BCKDHB: variants seen among roughly 807,000 people sequenced by gnomAD.
The protein encoded by BCKDHB is branched chain keto acid dehydrogenase E1 subunit beta, also known as 2-oxoisovalerate dehydrogenase subunit beta, mitochondrial.
Under a neutral mutation model 48.5 loss-of-function variants are expected in BCKDHB, and 41 were observed. The ratio of observed to expected loss-of-function variants is 0.85; its 90% confidence interval spans 0.66 to 1.10. The LOEUF is 1.10. Among genes scored for constraint, BCKDHB ranks in the 50% least tolerant of loss-of-function variants. BCKDHB has a pLI of 0.00. For missense variants in BCKDHB, 496 were observed against 494.2 expected (o/e 1.00, Z -0.03); for synonymous variants, 201 against 174.8 (o/e 1.15, Z -1.18).
At chr6:80,368,639 C>G in the BCKDHB span, among the ~76,000 whole-genome samples, 313 of 152,158 alleles carry the variant, frequency 2.1e-3, no homozygotes, top group African/African-American at 7.2e-3. Context: ...ATGCTCACAA[C>G]TTTGCTTTTC....
At chr6:80,416,965 C>T in the BCKDHB span, among the ~76,000 whole-genome samples, 1 of 151,778 alleles carries the variant, frequency 6.6e-6, no homozygotes, top group African/African-American at 2.4e-5. Flanking sequence ...TAAAATCTCC[C>T]GCTGTCATTG....
At chr6:80,174,390 G>A (rs1446523875) in intron 6 of BCKDHB, among the ~76,000 whole-genome samples, 2 of 151,960 alleles carry the variant, frequency 1.3e-5, no homozygotes, top group East Asian at 3.9e-4. Flanking sequence ...TATACTCAGG[G>A]GATTTGTTCC....
chr6:80,272,620 T>C (rs1279413665), intron 8 of BCKDHB, among the ~76,000 whole-genome samples: 1 of 152,182 alleles, frequency 6.6e-6, no homozygotes, highest in Non-Finnish European at 1.5e-5. Flanking sequence ...TAGAGCACAT[T>C]AACGAAGGAG....
the BCKDHB span, among the ~76,000 whole-genome samples, chr6:80,377,521 T>C: frequency 6.6e-6 from 1 of 152,320 alleles, no homozygotes; most frequent in East Asian, 1.9e-4. Context: ...TTAATTTCTT[T>C]ATATAGTATG....
intron 9 of BCKDHB, among the ~76,000 whole-genome samples, chr6:80,318,976 G>A (rs1274559271): frequency 6.6e-6 from 1 of 152,150 alleles, no homozygotes; most frequent in Non-Finnish European, 1.5e-5. Context: ...TGACATATGT[G>A]TATATTTATA....
At chr6:80,303,892 C>T (rs1562216645) in intron 9 of BCKDHB, among the ~76,000 whole-genome samples, 3 of 151,876 alleles carry the variant, frequency 2.0e-5, no homozygotes, top group African/African-American at 7.3e-5. Context: ...TACTTAATGT[C>T]ATAGCTTTAG....
intron 9 of BCKDHB, among the ~76,000 whole-genome samples, chr6:80,286,156 A>G (rs759758316): frequency 1.8e-4 from 28 of 152,184 alleles, no homozygotes; most frequent in Non-Finnish European, 3.7e-4. Flanking sequence ...TTGCTACTAG[A>G]AGATATTTGG....
intron 8 of BCKDHB, among the ~76,000 whole-genome samples, chr6:80,269,377 C>T (rs928216366): frequency 6.6e-6 from 1 of 152,114 alleles, no homozygotes; most frequent in African/African-American, 2.4e-5. Context: ...AACTGCGAGC[C>T]TTTCAGGACT....
Position 80,238,055 on chromosome 6 carries a change from G to GCTTC in BCKDHB, c.951+34853_951+34856dup, listed in dbSNP as rs1776217533. Among the ~76,000 whole-genome samples the GCTTC allele has an allele frequency of 2.0e-5, 3 of 151,952 alleles. No individual in the cohort carries two copies. In the South Asian group the frequency reaches 6.3e-4, roughly 32 times the overall value. On this transcript the variant is annotated intron_variant, in intron 8 of 9. Coordinates refer to ENST00000320393, the MANE Select transcript of BCKDHB (RefSeq NM_183050.4). The stretch of plus-strand genomic sequence containing the variant: ...AGCAAAATTCCTTCCTCCCTCCTTC[G>GCTTC]CTTCCTTCCTTCCAAAGAGTATTGA...
In BCKDHB at chr6:80,106,842, A is replaced by G; in HGVS notation, c.149A>G (p.Gln50Arg). 6.2e-7 allele frequency: 1 copy of G among 1,610,382 alleles called. No individual in the cohort carries two copies. ...ATVEDAAQRR[Q>R]VAHFTFQPDP... is the part of the protein sequence containing the mutation. ...GTCGAGGATGCGGCCCAGAGGCGGC[A>G]GGTGGCTCATTTTACTTTCCAGCCA... Residue 50 changes from glutamine (Q) to arginine (R), a missense_variant, in exon 1 of 10, where the codon CAG (glutamine) becomes CGG (arginine). Gln to Arg is a conservative substitution (Grantham distance 43). Coordinates refer to ENST00000320393, the MANE Select transcript of BCKDHB (RefSeq NM_183050.4).
At chr6:80,199,945 C>A (rs1774309149) in intron 6 of BCKDHB, among the ~76,000 whole-genome samples, 1 of 149,710 alleles carries the variant, frequency 6.7e-6, no homozygotes, top group African/African-American at 2.5e-5. Context: ...TAGTGGTGTG[C>A]ACCTGTAATC....
At chr6:80,466,364 A>G in the BCKDHB span, among the ~76,000 whole-genome samples, 3 of 152,220 alleles carry the variant, frequency 2.0e-5, no homozygotes, top group Admixed American at 2.0e-4. Flanking sequence ...ATTTTGTGAG[A>G]AAGAGCATGT....
chr6:80,434,253 A>C, the BCKDHB span, among the ~76,000 whole-genome samples: 1 of 150,556 alleles, frequency 6.6e-6, no homozygotes, highest in African/African-American at 2.4e-5. Flanking sequence ...TATATCTTCC[A>C]TTTCTCTCTA....
intron 3 of BCKDHB, among the ~76,000 whole-genome samples, chr6:80,160,556 A>G (rs548014595): frequency 5.3e-5 from 8 of 152,282 alleles, no homozygotes; most frequent in African/African-American, 2.4e-5. Flanking sequence ...GGTGGACTCA[A>G]TTTTACCCAT....
intron 8 of BCKDHB, among the ~76,000 whole-genome samples, chr6:80,258,725 G>C (rs1777163910): frequency 6.6e-6 from 1 of 151,228 alleles, no homozygotes; most frequent in Admixed American, 6.6e-5. Flanking sequence ...TGTATTCCTT[G>C]ATGTATTATT....
At chr6:80,458,835 T>A in the BCKDHB span, among the ~76,000 whole-genome samples, 906 of 152,126 alleles carry the variant, frequency 6.0e-3, 9 homozygotes, top group African/African-American at 0.02. Flanking sequence ...AGAAAAAAAG[T>A]AAAAAAATCA....
the BCKDHB span, among the ~76,000 whole-genome samples, chr6:80,432,341 T>C: frequency 2.0e-5 from 3 of 152,206 alleles, no homozygotes; most frequent in Non-Finnish European, 4.4e-5. Flanking sequence ...TTTGGTCTTT[T>C]CACATAGTCC....
chr6:80,188,494 C>A (rs1773749710), intron 6 of BCKDHB, among the ~76,000 whole-genome samples: 1 of 151,974 alleles, frequency 6.6e-6, no homozygotes, highest in Admixed American at 6.6e-5. Flanking sequence ...CAAAATTTAG[C>A]CAGGTGTGGT....
chr6:80,244,264 G>A (rs566573236), intron 8 of BCKDHB, among the ~76,000 whole-genome samples: 53 of 152,334 alleles, frequency 3.5e-4, no homozygotes, highest in South Asian at 6.2e-4. Flanking sequence ...GTGTACACAC[G>A]TGCGCATGTA....
Sources: allele counts gnomAD v4.1 joint callset (sites outside exome capture counted in the v4.1 genomes callset), GRCh38; gene constraint gnomAD v4.1.1; transcripts MANE v1.5; gene names NCBI Gene and HGNC (gene_info 2026-07-23, HGNC 2026-07-21).